KIF1A: variants seen among roughly 807,000 people sequenced by gnomAD.
KIF1A encodes kinesin family member 1A.
A neutral mutation model predicts 227.3 loss-of-function variants in KIF1A; 46 were observed. The ratio of observed to expected loss-of-function variants is 0.20; its 90% CI spans 0.16 to 0.26. The LOEUF (loss-of-function observed/expected upper bound fraction) is 0.26, where lower values mean the gene tolerates loss of function less well. KIF1A is among the 10% of genes least tolerant of loss of function. KIF1A has a pLI of 1.00. For synonymous variants in KIF1A, 1,022 were observed against 1,012.8 expected (o/e 1.01, Z -0.17); for missense variants, 1,683 against 2,485.9 (o/e 0.68, Z 6.87).
At chr2:240,814,271 A>C (rs2058163632) in intron 1 of KIF1A, among the ~76,000 whole-genome samples, 1 of 152,154 alleles carries the variant, frequency 6.6e-6, no homozygotes, top group Non-Finnish European at 1.5e-5. Flanking sequence ...AGGAAAAGAC[A>C]GGATCCTAAA....
At chr2:240,782,238 C>T in intron 10 of KIF1A, 1 of 975,748 alleles carries the variant, frequency 1.0e-6, no homozygotes, top group Non-Finnish European at 1.2e-6. Context: ...CACCCGCTTC[C>T]TCTCAGGGCT....
At chr2:240,769,444 C>T (rs1360407224) in intron 16 of KIF1A, among the ~76,000 whole-genome samples, 183 bp downstream of exon 16, 3 of 152,230 alleles carry the variant, frequency 2.0e-5, no homozygotes, top group Admixed American at 2.0e-4. Context: ...TGGCTAGCAG[C>T]CAGCAGTACA....
chr2:240,741,100 T>C (rs1038379548), intron 35 of KIF1A, among the ~76,000 whole-genome samples, 169 bp downstream of exon 35: 3 of 152,146 alleles, frequency 2.0e-5, no homozygotes, highest in African/African-American at 7.2e-5. Context: ...TGTCTGCTTT[T>C]ACTCCCCAAG....
intron 38 of KIF1A, chr2:240,734,858 G>C: frequency 1.3e-6 from 1 of 794,472 alleles, no homozygotes; most frequent in Non-Finnish European, 1.9e-6. Flanking sequence ...TCTGAGCCAG[G>C]GAGGCTGCAA....
At chr2:240,782,229 AC>A (rs1283818045) in intron 10 of KIF1A, 1 of 982,116 alleles carries the variant, frequency 1.0e-6, no homozygotes, top group Non-Finnish European at 1.2e-6. Flanking sequence ...CACGCCTGTC[AC>A]CCGCTTCCTC....
intron 1 of KIF1A, among the ~76,000 whole-genome samples, chr2:240,806,380 A>G (rs1238382195): frequency 1.3e-5 from 2 of 152,252 alleles, no homozygotes. Flanking sequence ...TAATCTGAAC[A>G]ATTCTCAAAA....
rs757205672 is a variant in KIF1A, at chr2:240,788,358, C to T, written c.184-128G>A. The T allele has an allele frequency of 1.3e-6, 1 of 798,592 alleles. No homozygotes were observed. Among genetic ancestry groups the T allele is most frequent in the Non-Finnish European group, 2.1e-6 (1 of 483,720 alleles). The allele number at this position is 798,592 out of a possible 1,614,324, so 49.5% of individuals were successfully genotyped here. Reference sequence around the variant, plus strand: ...AGGGCAGCACAGTGGGGAGGGATGCCTGCCCCCCATCCTACTCCTGCCTTG... The same window carrying T: ...AGGGCAGCACAGTGGGGAGGGATGCTTGCCCCCCATCCTACTCCTGCCTTG... On this transcript the variant is annotated intron_variant, in intron 3 of 48. Transcript: ENST00000498729. The surrounding 1 kb of genome is among the most constrained non-coding windows in gnomAD (Gnocchi z 6.6).
chr2:240,805,488 G>A (rs763437737), intron 1 of KIF1A, among the ~76,000 whole-genome samples: 4 of 152,100 alleles, frequency 2.6e-5, no homozygotes, highest in Non-Finnish European at 4.4e-5. Context: ...AAAAAAGGGC[G>A]AAAATATAAA....
intron 10 of KIF1A, among the ~76,000 whole-genome samples, chr2:240,780,332 A>C (rs1179073536): frequency 6.6e-6 from 1 of 151,938 alleles, no homozygotes; most frequent in East Asian, 1.9e-4. Flanking sequence ...ACAGGTCCTC[A>C]GAGTACGCGG....
Position 240,726,401 on chromosome 2 carries a change from A to G in KIF1A, c.4122+425T>C, listed in dbSNP as rs893287104. On this transcript the variant is annotated intron_variant, in intron 39 of 48. Transcript: ENST00000498729. This position sits in a 1 kb window ranked among gnomAD's most constrained non-coding sequence, Gnocchi z 5.2. ...TGAGGTGGGTGGATCACCTGAGGCC[A>G]GGAGTTTGAGAACAGCCTGGCCAAC... Among the ~76,000 whole-genome samples the G allele has an allele frequency of 6.6e-6, 1 of 152,184 alleles. No homozygotes were observed. Among genetic ancestry groups the G allele is most frequent in the African/African-American group, 2.4e-5 (1 of 41,432 alleles).
intron 22 of KIF1A, 81 bp downstream of exon 22, chr2:240,762,938 G>C: frequency 7.3e-7 from 1 of 1,370,376 alleles, no homozygotes; most frequent in Non-Finnish European, 9.8e-7. Flanking sequence ...AGGCAAGCAG[G>C]GAGGAGTGGG....
chr2:240,773,832 G>C (rs1056968754), intron 12 of KIF1A, among the ~76,000 whole-genome samples: 2 of 150,300 alleles, frequency 1.3e-5, no homozygotes, highest in Non-Finnish European at 3.0e-5. Context: ...CTGCCCATAA[G>C]ACACACCTAT....
intron 4 of KIF1A, 89 bp downstream of exon 4, chr2:240,787,962 C>T: frequency 3.1e-6 from 4 of 1,275,636 alleles, no homozygotes; most frequent in Non-Finnish European, 4.4e-6. Flanking sequence ...CTGGGGGCTG[C>T]TCTCAGGGGT....
chr2:240,744,574 A>C (rs1205809776), intron 32 of KIF1A, among the ~76,000 whole-genome samples: 2 of 152,184 alleles, frequency 1.3e-5, no homozygotes, highest in African/African-American at 4.8e-5. Context: ...GTCCCTATGA[A>C]AAGCGGAAGT....
At chr2:240,810,260 C>T (rs1186319050) in intron 1 of KIF1A, among the ~76,000 whole-genome samples, 1 of 152,080 alleles carries the variant, frequency 6.6e-6, no homozygotes, top group Non-Finnish European at 1.5e-5. Flanking sequence ...GCAGAATACA[C>T]AGAGGACAGA....
intron 1 of KIF1A, among the ~76,000 whole-genome samples, chr2:240,816,955 G>A (rs999385528): frequency 2.6e-5 from 4 of 152,256 alleles, no homozygotes; most frequent in Admixed American, 2.0e-4. Context: ...GGCCCTGGGG[G>A]TGGGGGCACT....
chr2:240,788,273 A>G lies in KIF1A; in HGVS notation c.184-43T>C, dbSNP rs2055203468. On this transcript the variant is annotated intron_variant, in intron 3 of 48. Transcript: ENST00000498729. The surrounding 1 kb of genome is among the most constrained non-coding windows in gnomAD (Gnocchi z 6.6). ...AATGAAGTTGCAGGAGGCTGGGTGC[A>G]TCCGAGGCTCAGCCCATCATGTCTG... 4 of 1,587,982 alleles carry G rather than the reference A, an allele frequency of 2.5e-6. No individual in the cohort carries two copies. The highest frequency in any genetic ancestry group is 1.1e-5 in the South Asian group (1 of 89,488).
chr2:240,812,308 G>C (rs2126235168), intron 1 of KIF1A, among the ~76,000 whole-genome samples: 1 of 152,322 alleles, frequency 6.6e-6, no homozygotes, highest in Admixed American at 6.5e-5. Flanking sequence ...AGCTCGAGGA[G>C]TGTCCAGGAA....
At chr2:240,732,346 GGA>G (rs2046795119) in intron 38 of KIF1A, among the ~76,000 whole-genome samples, 1 of 141,144 alleles carries the variant, frequency 7.1e-6, no homozygotes, top group African/African-American at 2.7e-5. Flanking sequence ...AAGGAGTGAG[GGA>G]GAGAGGGGAG....
Sources: allele counts gnomAD v4.1 joint callset (sites outside exome capture counted in the v4.1 genomes callset), GRCh38; gene constraint gnomAD v4.1.1; non-coding constraint Gnocchi (gnomAD v3.1); transcripts MANE v1.5; gene names NCBI Gene and HGNC (gene_info 2026-07-23, HGNC 2026-07-21).